SDK1: variants seen among roughly 807,000 people sequenced by gnomAD.
SDK1 encodes sidekick cell adhesion molecule 1.
A neutral mutation model predicts 245.5 loss-of-function variants in SDK1; 157 were observed. That is an observed-to-expected ratio of 0.64 (90% CI 0.56 to 0.73). The LOEUF (loss-of-function observed/expected upper bound fraction) is 0.73, where lower values mean the gene tolerates loss of function less well. Among genes scored for constraint, SDK1 ranks in the 30% least tolerant of loss-of-function variants. SDK1 has a pLI of 0.00. For missense variants in SDK1, 3,583 were observed against 3,002.3 expected (o/e 1.19, Z -4.52); for synonymous variants, 1,647 against 1,278.5 (o/e 1.29, Z -6.15).
chr7:3,957,461 G>A (rs1305871958), intron 7 of SDK1, among the ~76,000 whole-genome samples: 1 of 152,218 alleles, frequency 6.6e-6, no homozygotes, highest in Non-Finnish European at 1.5e-5. Flanking sequence ...CAACTGCACG[G>A]ACTCGACAGT....
chr7:3,745,910 C>T (rs1779603168), intron 4 of SDK1, among the ~76,000 whole-genome samples: 1 of 152,202 alleles, frequency 6.6e-6, no homozygotes, highest in East Asian at 1.9e-4. Flanking sequence ...AGAACATACA[C>T]TCTGAAGCCT....
intron 1 of SDK1, among the ~76,000 whole-genome samples, chr7:3,387,785 T>A (rs557648229): frequency 6.6e-6 from 1 of 152,206 alleles, no homozygotes. Flanking sequence ...AAAATAATAC[T>A]TGATAAAGTC....
intron 24 of SDK1, 95 bp downstream of exon 24, chr7:4,113,534 C>A: frequency 7.1e-7 from 1 of 1,414,070 alleles, no homozygotes; most frequent in South Asian, 1.3e-5. Flanking sequence ...TTAGTCACGC[C>A]TTTGTCCTAG....
rs534230842 is a variant in SDK1 at position 3,517,551 on chromosome 7, A to G, written c.299-101529A>G. 2.6e-5 allele frequency among the ~76,000 whole-genome samples: 4 copies of G among 152,276 alleles called. No individual in the cohort carries two copies. In the South Asian group the frequency reaches 8.3e-4, roughly 32 times the overall value. On this transcript the variant is annotated intron_variant, in intron 1 of 44. Coordinates refer to ENST00000404826, the MANE Select transcript of SDK1 (RefSeq NM_152744.4). ...GACCTGTTGCATTAGGAAATAGCCC[A>G]CAACGACTTAGGGAGCCAGGCACAT...
intron 5 of SDK1, among the ~76,000 whole-genome samples, chr7:3,879,884 T>C (rs956336561): frequency 2.6e-5 from 4 of 152,186 alleles, no homozygotes; most frequent in African/African-American, 9.6e-5. Flanking sequence ...ATGGAGCTGA[T>C]ACCATATCTG....
At chr7:3,545,699 A>G (rs957839206) in intron 1 of SDK1, among the ~76,000 whole-genome samples, 2 of 152,186 alleles carry the variant, frequency 1.3e-5, no homozygotes, top group Admixed American at 1.3e-4. Flanking sequence ...ACCAGGCCAG[A>G]GCTGGGCACA....
intron 1 of SDK1, among the ~76,000 whole-genome samples, chr7:3,345,655 G>A (rs1780472332): frequency 6.6e-6 from 1 of 152,294 alleles, no homozygotes; most frequent in East Asian, 1.9e-4. Context: ...CCAAATTCCA[G>A]GATGGTGGCA....
At chr7:3,866,319 A>T (rs568901528) in intron 5 of SDK1, among the ~76,000 whole-genome samples, 2 of 152,290 alleles carry the variant, frequency 1.3e-5, no homozygotes, top group East Asian at 3.9e-4. Flanking sequence ...AACAAAGATG[A>T]CCCTGCTCTT....
At chr7:3,885,252 C>T (rs909081314) in intron 5 of SDK1, among the ~76,000 whole-genome samples, 1 of 152,156 alleles carries the variant, frequency 6.6e-6, no homozygotes, top group African/African-American at 2.4e-5. Flanking sequence ...CTGGCAGTGA[C>T]TCTAGGCCGG....
intron 1 of SDK1, among the ~76,000 whole-genome samples, chr7:3,482,362 C>G (rs1781546328): frequency 2.0e-5 from 3 of 152,158 alleles, no homozygotes; most frequent in Admixed American, 1.3e-4. Context: ...TTTCTGAACT[C>G]AAGGGCCGGG....
intron 40 of SDK1, among the ~76,000 whole-genome samples, chr7:4,229,790 C>T (rs1785637660): frequency 6.6e-6 from 1 of 152,114 alleles, no homozygotes; most frequent in Non-Finnish European, 1.5e-5. Context: ...ATAAAATTGT[C>T]TATCTTTTTA....
At chr7:3,356,559 A>G (rs1780800915) in intron 1 of SDK1, among the ~76,000 whole-genome samples, 2 of 152,004 alleles carry the variant, frequency 1.3e-5, no homozygotes, top group Admixed American at 1.3e-4. Flanking sequence ...TCCAATGTTT[A>G]TTTTCTGTGT....
At chr7:3,930,813 AAAAAG>A (rs1480049614) in intron 5 of SDK1, among the ~76,000 whole-genome samples, 3 of 151,948 alleles carry the variant, frequency 2.0e-5, no homozygotes, top group South Asian at 2.1e-4. Flanking sequence ...AAAGAAAAGA[AAAAAG>A]AAAAGTCTCT....
intron 4 of SDK1, among the ~76,000 whole-genome samples, chr7:3,737,157 G>C (rs1779337869): frequency 6.6e-6 from 1 of 152,234 alleles, no homozygotes; most frequent in African/African-American, 2.4e-5. Flanking sequence ...GGAGTGGCAG[G>C]CTGTGCCCTG....
At chr7:3,412,338 A>G (rs1265841979) in intron 1 of SDK1, among the ~76,000 whole-genome samples, 1 of 152,184 alleles carries the variant, frequency 6.6e-6, no homozygotes, top group Admixed American at 6.5e-5. Context: ...TTTTTCCAAA[A>G]TGGTATCAAA....
intron 5 of SDK1, among the ~76,000 whole-genome samples, chr7:3,846,932 C>T (rs1305316756): frequency 6.6e-6 from 1 of 152,178 alleles, no homozygotes; most frequent in South Asian, 2.1e-4. Flanking sequence ...TCCATCTCCA[C>T]CTGTAGAGGT....
intron 4 of SDK1, among the ~76,000 whole-genome samples, chr7:3,787,995 G>C (rs767823924): frequency 2.6e-5 from 4 of 152,178 alleles, no homozygotes; most frequent in Non-Finnish European, 5.9e-5. Context: ...GCCCGTGGGA[G>C]GACCGGAGGG....
intron 1 of SDK1, among the ~76,000 whole-genome samples, chr7:3,602,813 T>A (rs1477074092): frequency 6.6e-6 from 1 of 151,688 alleles, no homozygotes; most frequent in East Asian, 1.9e-4. Context: ...GTTTTAGGTC[T>A]AACATTTAAG....
intron 5 of SDK1, among the ~76,000 whole-genome samples, chr7:3,880,543 CTT>C (rs5882008): frequency 0.026 from 2,418 of 92,018 alleles, 82 homozygotes; most frequent in African/African-American, 0.086. Context: ...ATGCCCTGGT[CTT>C]TTTTTTTTTT....
Sources: gnomAD v4.1 joint callset for allele counts (sites outside exome capture counted in the v4.1 genomes callset) on GRCh38, gnomAD v4.1.1 for gene constraint, MANE v1.5 for transcripts, NCBI Gene and HGNC (gene_info 2026-07-23, HGNC 2026-07-21) for gene names.